SYT7: variants seen among roughly 807,000 people sequenced by gnomAD.
SYT7 encodes synaptotagmin 7.
SYT7 carries 29 observed loss-of-function variants against 75.1 expected under a neutral mutation model. The ratio of observed to expected loss-of-function variants is 0.39; its 90% CI spans 0.29 to 0.53. SYT7 has a LOEUF of 0.53. SYT7 is among the 20% of genes least tolerant of loss of function. The pLI, the probability that SYT7 is intolerant of heterozygous loss-of-function variation, is 0.77. For synonymous variants in SYT7, 376 were observed against 401.7 expected (o/e 0.94, Z 0.76); for missense variants, 693 against 953.2 (o/e 0.73, Z 3.59).
At chr11:61,540,698 G>A (rs912359691) in intron 6 of SYT7, 11 of 985,414 alleles carry the variant, frequency 1.1e-5, no homozygotes, top group African/African-American at 1.0e-4. Flanking sequence ...TTTAATGGCT[G>A]CTGGAACAGG....
At chr11:61,529,156 C>G (rs1296205318) in intron 8 of SYT7, among the ~76,000 whole-genome samples, 1 of 152,104 alleles carries the variant, frequency 6.6e-6, no homozygotes, top group Admixed American at 6.5e-5. Flanking sequence ...GGTACCCTGG[C>G]TCGAAAATCT....
At chr11:61,543,420 C>G (rs2063102848) in intron 5 of SYT7, among the ~76,000 whole-genome samples, 1 of 152,216 alleles carries the variant, frequency 6.6e-6, no homozygotes. Flanking sequence ...CCCAAAGGCC[C>G]ATCAGTAATC....
intron 1 of SYT7, among the ~76,000 whole-genome samples, chr11:61,567,824 C>T (rs1285305050): frequency 1.3e-5 from 2 of 152,368 alleles, no homozygotes; most frequent in South Asian, 2.1e-4. Context: ...TCACCGCTCC[C>T]GGGGCAATCT....
Position 61,580,847 on chromosome 11 carries a change from G to A in SYT7, c.-27C>T. ...GTCCCCTCGTCGCCGGTTCCCTCCG[G>A]GCTCCTCAGAGCCGCCCGCGGCCGC... On this transcript the variant is annotated 5_prime_UTR_variant, in exon 1 of 13. Coordinates refer to ENST00000539008, the MANE Select transcript of SYT7 (RefSeq NM_001365809.2). This position sits in a 1 kb window ranked among gnomAD's most constrained non-coding sequence, Gnocchi z 6.1. 8.1e-7 allele frequency: 1 copy of A among 1,236,402 alleles called. No homozygotes were observed. Among genetic ancestry groups the A allele is most frequent in the Non-Finnish European group, 1.0e-6 (1 of 988,044 alleles). 76.6% of individuals were successfully genotyped at this position (1,236,402 alleles called of 1,614,324 possible). A position where few individuals can be genotyped will look rare whatever the true frequency, so the allele number is the denominator to read the frequency against.
Position 61,546,942 on chromosome 11 carries a change from C to T in SYT7, c.347+235G>A, listed in dbSNP as rs1360709665. Among the ~76,000 whole-genome samples, 1 of 151,960 alleles carries T rather than the reference C, an allele frequency of 6.6e-6. No individual in the cohort carries two copies. The highest frequency in any genetic ancestry group is 1.9e-4 in the East Asian group (1 of 5,152). ...TATGGCTGCCGAGGGGGCTCTCCTG[C>T]AAGGCTGGCCCTGGGGGAGGGGACG... On this transcript the variant is annotated intron_variant, in intron 4 of 12. Coordinates refer to ENST00000539008, the MANE Select transcript of SYT7 (RefSeq NM_001365809.2). This position sits in a 1 kb window ranked among gnomAD's most constrained non-coding sequence, Gnocchi z 7.6.
At chr11:61,566,585 G>A (rs1287063329) in intron 1 of SYT7, among the ~76,000 whole-genome samples, 5 of 152,250 alleles carry the variant, frequency 3.3e-5, no homozygotes, top group South Asian at 2.1e-4. Flanking sequence ...CTGAGCAGCT[G>A]TGAAAATGAT....
At chr11:61,575,549 G>A (rs559692486) in intron 1 of SYT7, among the ~76,000 whole-genome samples, 35 of 152,224 alleles carry the variant, frequency 2.3e-4, no homozygotes, top group South Asian at 1.7e-3. Context: ...GATCACCCCC[G>A]TCCACACCCA....
At chr11:61,556,809 G>A (rs994596153) in intron 1 of SYT7, among the ~76,000 whole-genome samples, 1 of 152,010 alleles carries the variant, frequency 6.6e-6, no homozygotes, top group Non-Finnish European at 1.5e-5. Context: ...GCCAGCTGTT[G>A]CCCCCTTTAG....
intron 1 of SYT7, among the ~76,000 whole-genome samples, chr11:61,569,785 G>C (rs1565207740): frequency 6.6e-6 from 1 of 152,152 alleles, no homozygotes; most frequent in African/African-American, 2.4e-5. Context: ...GAGAGCGGGG[G>C]AGGACGGCTT....
At chr11:61,535,625 C>T (rs114405161) in intron 7 of SYT7, among the ~76,000 whole-genome samples, 55 of 152,282 alleles carry the variant, frequency 3.6e-4, no homozygotes, top group African/African-American at 7.9e-4. Context: ...CACCAAGAAT[C>T]GTGGGGACAG....
At chr11:61,579,920 G>A (rs1222755806) in intron 1 of SYT7, among the ~76,000 whole-genome samples, 1 of 152,226 alleles carries the variant, frequency 6.6e-6, no homozygotes, top group East Asian at 1.9e-4. Flanking sequence ...GAGCTGCAGG[G>A]GACCTGCCTA....
intron 1 of SYT7, among the ~76,000 whole-genome samples, chr11:61,564,759 C>T (rs2063723611): frequency 6.6e-6 from 1 of 152,212 alleles, no homozygotes; most frequent in Non-Finnish European, 1.5e-5. Flanking sequence ...AGAGCCATGC[C>T]CAAATTACCC....
chr11:61,552,914 CACTT>C (rs2063394036), intron 2 of SYT7, among the ~76,000 whole-genome samples: 4 of 152,186 alleles, frequency 2.6e-5, no homozygotes, highest in Admixed American at 2.6e-4. Context: ...TATTTCTGTT[CACTT>C]ACTTCAGCTC....
chr11:61,538,365 GAGAGAGAGAGAGAGAGAGAGAGAA>G (rs2062939145), intron 6 of SYT7, 99 bp from the exon 7 acceptor site: 1 of 812,726 alleles, frequency 1.2e-6, no homozygotes, highest in Non-Finnish European at 1.8e-6. Flanking sequence ...GAGAGAGAGA[GAGAGAGAGAGAGAGAGAGAGAGAA>G]AGAGAGAGAG....
chr11:61,538,113 C>T lies in SYT7; in HGVS notation c.1064+31G>A, dbSNP rs541909756. ...CTCTCCGCGCCTCCTTCTCTGCCGC[C>T]GCCGCCGCAGGCCCTCGCCTGTGCT... On this transcript the variant is annotated intron_variant, in intron 7 of 12. Coordinates refer to ENST00000539008, the MANE Select transcript of SYT7 (RefSeq NM_001365809.2). 86 of 1,534,088 alleles carry T rather than the reference C, an allele frequency of 5.6e-5. No homozygotes were observed. In the South Asian group the frequency reaches 8.5e-4, roughly 15 times the overall value.
At position 61,580,677 on chromosome 11, in the gene SYT7, G is replaced by A. The variant is rs939374918; in HGVS notation, c.31+113C>T. On this transcript the variant is annotated intron_variant, in intron 1 of 12. Transcript: ENST00000539008. The surrounding 1 kb of genome is among the most constrained non-coding windows in gnomAD (Gnocchi z 6.1). ...GCTGGGATGACCCCTGGGGGAGCCCGTGCGGCTCCGGGCGGACAACAGCCC... is the reference window on the plus strand; with the variant it reads ...GCTGGGATGACCCCTGGGGGAGCCCATGCGGCTCCGGGCGGACAACAGCCC... 7.2e-6 allele frequency: 5 copies of A among 697,932 alleles called. No homozygotes were observed. The highest frequency in any genetic ancestry group is 4.7e-5 in the Admixed American group (1 of 21,234). The allele number at this position is 697,932 out of a possible 1,614,324, so 43.2% of individuals were successfully genotyped here.
At position 61,542,780 on chromosome 11, in the gene SYT7, C is replaced by T. The variant is rs1007196975; in HGVS notation, c.573-201G>A. Among the ~76,000 whole-genome samples the T allele has an allele frequency of 1.3e-5, 2 of 152,232 alleles. No homozygotes were observed. Among genetic ancestry groups the T allele is most frequent in the African/African-American group, 2.4e-5 (1 of 41,464 alleles). On this transcript the variant is annotated intron_variant, in intron 5 of 12. Transcript: ENST00000539008. This position sits in a 1 kb window ranked among gnomAD's most constrained non-coding sequence, Gnocchi z 7.8. ...GGAGGCTGCAAAGCCCTCGCGCCCA[C>T]CCTGAGGCCCCAGGCCGGCTCTGCC... is the stretch of plus-strand genomic sequence containing the variant.
intron 1 of SYT7, among the ~76,000 whole-genome samples, chr11:61,574,659 G>A (rs1451731795): frequency 6.6e-6 from 1 of 151,698 alleles, no homozygotes; most frequent in Non-Finnish European, 1.5e-5. Flanking sequence ...AGGTGTGCAG[G>A]GAGTCCCAGT....
At chr11:61,539,875 G>A (rs1240873980) in intron 6 of SYT7, 1 of 151,996 alleles carries the variant, frequency 6.6e-6, no homozygotes, top group Non-Finnish European at 1.5e-5. Flanking sequence ...CCTTGTGCTG[G>A]GATCTAACTT....
Sources: gnomAD v4.1 joint callset for allele counts (sites outside exome capture counted in the v4.1 genomes callset) on GRCh38, gnomAD v4.1.1 for gene constraint, Gnocchi (gnomAD v3.1) non-coding constraint, MANE v1.5 for transcripts, NCBI Gene and HGNC (gene_info 2026-07-23, HGNC 2026-07-21) for gene names.